KCNT2: variants seen among roughly 807,000 people sequenced by gnomAD.
KCNT2 encodes the protein potassium channel subfamily T member 2.
Under a neutral mutation model 153.8 loss-of-function variants are expected in KCNT2, and 67 were observed. The observed-to-expected ratio is 0.44, with a 90% CI of 0.36 to 0.53. The LOEUF is 0.53. Ranked by LOEUF, KCNT2 falls within the 20% of genes least tolerant of loss-of-function variation. KCNT2 has a pLI of 0.00. For synonymous variants in KCNT2, 500 were observed against 458.8 expected (o/e 1.09, Z -1.15); for missense variants, 975 against 1,354.8 (o/e 0.72, Z 4.40).
chr1:196,244,086 C>A (rs1655204506), intron 26 of KCNT2, among the ~76,000 whole-genome samples: 1 of 152,070 alleles, frequency 6.6e-6, no homozygotes, highest in Non-Finnish European at 1.5e-5. Context: ...TAGACATACC[C>A]TCGGCCAGAA....
At chr1:196,325,035 T>G (rs778589253) in intron 19 of KCNT2, among the ~76,000 whole-genome samples, 1 of 151,980 alleles carries the variant, frequency 6.6e-6, no homozygotes, top group Non-Finnish European at 1.5e-5. Context: ...AAATGGAGAC[T>G]TAGAGATTTG....
Position 196,583,001 on chromosome 1 carries a change from C to CA in KCNT2, c.95+25213dup, listed in dbSNP as rs558118697. On this transcript the variant is annotated intron_variant, in intron 1 of 27. Coordinates refer to ENST00000294725, the MANE Select transcript of KCNT2 (RefSeq NM_198503.5). ...AAAGATTATGTAAGTGATAACTGGT[C>CA]AAAAAATAGGTGAATATCATGTGAC... Among the ~76,000 whole-genome samples, 1,321 of 152,006 alleles carry CA rather than the reference C, an allele frequency of 8.7e-3. 13 individuals carry two copies. Among genetic ancestry groups the CA allele is most frequent in the Non-Finnish European group, 0.015 (991 of 67,956 alleles).
intron 1 of KCNT2, among the ~76,000 whole-genome samples, chr1:196,540,764 G>T (rs1656244620): frequency 6.6e-6 from 1 of 152,044 alleles, no homozygotes; most frequent in Non-Finnish European, 1.5e-5. Context: ...CTATGAAATA[G>T]AAATTAAAGA....
At chr1:196,428,673 T>C (rs1673863818) in intron 9 of KCNT2, among the ~76,000 whole-genome samples, 1 of 152,046 alleles carries the variant, frequency 6.6e-6, no homozygotes, top group Non-Finnish European at 1.5e-5. Flanking sequence ...ATTCTAGCTG[T>C]ACAGTAGCCA....
intron 12 of KCNT2, among the ~76,000 whole-genome samples, chr1:196,412,264 T>C (rs1341026209): frequency 2.0e-5 from 3 of 151,742 alleles, no homozygotes; most frequent in Non-Finnish European, 4.4e-5. Flanking sequence ...GTACGTAAGA[T>C]GGCACTTAGG....
intron 18 of KCNT2, among the ~76,000 whole-genome samples, chr1:196,330,664 T>A (rs1664371909): frequency 6.6e-6 from 1 of 151,990 alleles, no homozygotes; most frequent in Non-Finnish European, 1.5e-5. Flanking sequence ...CTCTTGGACA[T>A]CCAAGAATGA....
intron 1 of KCNT2, among the ~76,000 whole-genome samples, chr1:196,578,759 C>A (rs1239658782): frequency 2.0e-5 from 3 of 152,114 alleles, no homozygotes; most frequent in African/African-American, 7.2e-5. Flanking sequence ...AGGAAATAAT[C>A]AGCTACCCCC....
intron 1 of KCNT2, among the ~76,000 whole-genome samples, chr1:196,596,890 T>C (rs1664152574): frequency 6.6e-6 from 1 of 152,030 alleles, no homozygotes; most frequent in Non-Finnish European, 1.5e-5. Context: ...TTTGTAGTGA[T>C]GGAGTTTTGC....
chr1:196,295,896 G>A (rs1660632397), intron 22 of KCNT2, among the ~76,000 whole-genome samples: 1 of 151,934 alleles, frequency 6.6e-6, no homozygotes, highest in South Asian at 2.1e-4. Context: ...TAAGTTTTAT[G>A]ACATGGAGGG....
intron 22 of KCNT2, among the ~76,000 whole-genome samples, chr1:196,300,284 A>T (rs1661063321): frequency 6.6e-6 from 1 of 152,206 alleles, no homozygotes; most frequent in African/African-American, 2.4e-5. Flanking sequence ...TATTGTTGTT[A>T]TGAACTAGTT....
At chr1:196,552,440 C>T (rs1658043200) in intron 1 of KCNT2, among the ~76,000 whole-genome samples, 1 of 151,258 alleles carries the variant, frequency 6.6e-6, no homozygotes, top group Non-Finnish European at 1.5e-5. Context: ...TTTAAGCATG[C>T]AGGAGAAATA....
rs1327032306 is a variant in KCNT2 at position 196,326,811 on chromosome 1, C to T, written c.2182G>A (p.Ala728Thr). The T allele has an allele frequency of 8.2e-6, 13 of 1,583,980 alleles. No individual in the cohort carries two copies. The highest frequency in any genetic ancestry group is 1.1e-5 in the Non-Finnish European group (13 of 1,167,908). The change falls in exon 19 of 28, where the codon GCT becomes ACT. Residue 728 changes from alanine (A) to threonine (T), a missense_variant. Transcript: ENST00000294725. ...NKLIIVAAET[A>T]GNGLYNFIVP... Reference sequence around the variant, plus strand: ...ATAAAGTTATATAATCCATTTCCAGCTGTTTCAGCTGCAACTATAATTAGT... The same window carrying T: ...ATAAAGTTATATAATCCATTTCCAGTTGTTTCAGCTGCAACTATAATTAGT...
chr1:196,376,061 A>G (rs1668942784), intron 13 of KCNT2, among the ~76,000 whole-genome samples: 1 of 151,846 alleles, frequency 6.6e-6, no homozygotes, highest in African/African-American at 2.4e-5. Context: ...TTTAGAACTA[A>G]CCACTAATCC....
At chr1:196,280,315 C>T (rs1380026043) in intron 25 of KCNT2, among the ~76,000 whole-genome samples, 1 of 152,164 alleles carries the variant, frequency 6.6e-6, no homozygotes, top group Non-Finnish European at 1.5e-5. Context: ...ATCAAGTTTG[C>T]TGTTAAATTT....
intron 14 of KCNT2, among the ~76,000 whole-genome samples, chr1:196,353,663 G>A (rs1278617222): frequency 6.6e-6 from 1 of 151,832 alleles, no homozygotes; most frequent in African/African-American, 2.4e-5. Context: ...CATTTTCAAG[G>A]CAAATGGGTA....
At chr1:196,410,040 T>C (rs1489396414) in intron 12 of KCNT2, among the ~76,000 whole-genome samples, 1 of 151,678 alleles carries the variant, frequency 6.6e-6, no homozygotes, top group East Asian at 1.9e-4. Context: ...TCCCTGATAA[T>C]TAATGATGCT....
intron 8 of KCNT2, 21 bp downstream of exon 8, chr1:196,465,272 T>C: frequency 8.1e-7 from 1 of 1,235,626 alleles, no homozygotes; most frequent in Non-Finnish European, 1.2e-6. Context: ...ATAACACAAA[T>C]TCTGATATGT....
At chr1:196,334,724 G>A (rs1227568499) in intron 16 of KCNT2, among the ~76,000 whole-genome samples, 1 of 151,966 alleles carries the variant, frequency 6.6e-6, no homozygotes, top group Non-Finnish European at 1.5e-5. Flanking sequence ...AGGTACTTGA[G>A]ATCTGTAGAG....
chr1:196,253,848 A>T (rs1656216215), intron 26 of KCNT2, among the ~76,000 whole-genome samples: 1 of 151,550 alleles, frequency 6.6e-6, no homozygotes. Flanking sequence ...AACTTATTTC[A>T]ATAACAAAAA....
Sources: gnomAD v4.1 joint callset for allele counts (sites outside exome capture counted in the v4.1 genomes callset) on GRCh38, gnomAD v4.1.1 for gene constraint, MANE v1.5 for transcripts, NCBI Gene and HGNC (gene_info 2026-07-23, HGNC 2026-07-21) for gene names.